FOXP1: variants seen among roughly 807,000 people sequenced by gnomAD.
FOXP1 encodes the protein forkhead box P1, also known as forkhead box protein P1.
FOXP1 carries 15 observed loss-of-function variants against 98.2 expected under a neutral mutation model. The ratio of observed to expected loss-of-function variants is 0.15; its 90% confidence interval spans 0.10 to 0.24. The LOEUF (loss-of-function observed/expected upper bound fraction) is 0.24. Ranked by LOEUF, FOXP1 falls within the 10% of genes least tolerant of loss-of-function variation. FOXP1 has a pLI of 1.00. For synonymous variants in FOXP1, 371 were observed against 314.5 expected (o/e 1.18, Z -1.90); for missense variants, 633 against 848.5 (o/e 0.75, Z 3.15).
intron 7 of FOXP1, among the ~76,000 whole-genome samples, chr3:71,067,997 A>AG: frequency 6.6e-6 from 1 of 151,562 alleles, no homozygotes; most frequent in Non-Finnish European, 1.5e-5. Flanking sequence ...TATAAAAAAA[A>AG]AAAGCCATAA....
intron 18 of FOXP1, chr3:70,972,215 G>A (rs1262693736): frequency 6.0e-6 from 9 of 1,490,190 alleles, no homozygotes; most frequent in Non-Finnish European, 7.1e-6. Context: ...AGATGGAGTG[G>A]CAACAAAAGG....
At chr3:71,003,690 A>T (rs1229262966) in intron 12 of FOXP1, among the ~76,000 whole-genome samples, 1 of 152,196 alleles carries the variant, frequency 6.6e-6, no homozygotes, top group South Asian at 2.1e-4. Flanking sequence ...AAGGTTCACG[A>T]CTGAAGGAAA....
chr3:71,568,020 G>C (rs1406325590), intron 2 of FOXP1: 3 of 122,684 alleles, frequency 2.4e-5, no homozygotes, highest in Non-Finnish European at 5.0e-5. Flanking sequence ...AGGAAGGAAG[G>C]AAGGAAAGGA....
intron 2 of FOXP1, among the ~76,000 whole-genome samples, chr3:71,511,971 C>T (rs778031086): frequency 2.6e-5 from 4 of 152,144 alleles, no homozygotes; most frequent in African/African-American, 9.7e-5. Flanking sequence ...CTGGTGATGA[C>T]GACAACAATA....
intron 3 of FOXP1, among the ~76,000 whole-genome samples, chr3:71,442,528 C>G (rs1179296309): frequency 2.6e-5 from 4 of 152,180 alleles, no homozygotes; most frequent in Admixed American, 2.6e-4. Flanking sequence ...GAGTTGGGTG[C>G]TGGGATGTCT....
chr3:71,448,196 T>C (rs1027588689), intron 3 of FOXP1, among the ~76,000 whole-genome samples: 2 of 152,116 alleles, frequency 1.3e-5, no homozygotes, highest in African/African-American at 4.8e-5. Flanking sequence ...TATCAGGAGA[T>C]CTTTATCCCC....
At chr3:71,302,896 TC>T (rs1560273836) in intron 4 of FOXP1, 1 of 152,078 alleles carries the variant, frequency 6.6e-6, no homozygotes, top group Admixed American at 6.6e-5. Context: ...TTTCTCTACC[TC>T]CCCAACCACC....
chr3:71,489,516 AT>A (rs1287804866), intron 3 of FOXP1, among the ~76,000 whole-genome samples: 1 of 152,168 alleles, frequency 6.6e-6, no homozygotes, highest in Non-Finnish European at 1.5e-5. Context: ...CTATGATCAC[AT>A]TTATTAATAA....
intron 6 of FOXP1, among the ~76,000 whole-genome samples, chr3:71,132,862 T>C (rs1310254335): frequency 1.3e-5 from 2 of 151,508 alleles, no homozygotes; most frequent in Admixed American, 1.3e-4. Context: ...ATCCTAAGAG[T>C]GTTTTTTCAA....
chr3:71,195,635 G>T (rs958518119), intron 6 of FOXP1, among the ~76,000 whole-genome samples: 3 of 152,194 alleles, frequency 2.0e-5, no homozygotes, highest in African/African-American at 7.2e-5. Flanking sequence ...CCCCTGGCGA[G>T]GAATGGGGGA....
intron 5 of FOXP1, among the ~76,000 whole-genome samples, chr3:71,295,855 C>T (rs558842688): frequency 1.1e-4 from 16 of 152,258 alleles, no homozygotes; most frequent in African/African-American, 3.8e-4. Context: ...TAATTGTGAC[C>T]AGTGCATCCC....
At chr3:71,011,977 A>C (rs2043719135) in intron 12 of FOXP1, among the ~76,000 whole-genome samples, 1 of 152,106 alleles carries the variant, frequency 6.6e-6, no homozygotes, top group Admixed American at 6.6e-5. Flanking sequence ...AATAAATATA[A>C]CCTAATTGTC....
At chr3:71,413,467 CTTGT>C (rs1439162994) in intron 3 of FOXP1, among the ~76,000 whole-genome samples, 1 of 152,074 alleles carries the variant, frequency 6.6e-6, no homozygotes, top group Non-Finnish European at 1.5e-5. Context: ...ACTTTTACTA[CTTGT>C]TTAATTTCTG....
chr3:71,191,915 G>A (rs913184450), intron 6 of FOXP1, among the ~76,000 whole-genome samples: 1 of 152,098 alleles, frequency 6.6e-6, no homozygotes, highest in Non-Finnish European at 1.5e-5. Flanking sequence ...CACGTTATTT[G>A]AACTATGCAA....
chr3:71,576,191 T>A (rs770913348), intron 2 of FOXP1, among the ~76,000 whole-genome samples: 1 of 152,236 alleles, frequency 6.6e-6, no homozygotes, highest in Non-Finnish European at 1.5e-5. Context: ...GGGCTTTCTA[T>A]TCAATGATCC....
intron 19 of FOXP1, 171 bp from the exon 20 acceptor site, chr3:70,966,227 C>T (rs894963899): frequency 8.9e-6 from 6 of 675,948 alleles, no homozygotes; most frequent in Non-Finnish European, 1.6e-5. Flanking sequence ...ACTCGTGGCA[C>T]CTGTCCCAAG....
At chr3:71,420,489 A>C (rs574271834) in intron 3 of FOXP1, among the ~76,000 whole-genome samples, 8 of 152,256 alleles carry the variant, frequency 5.3e-5, no homozygotes, top group African/African-American at 1.9e-4. Context: ...TGTTCCTATC[A>C]TGGGACTCCT....
intron 6 of FOXP1, among the ~76,000 whole-genome samples, chr3:71,176,743 CAAAAA>C (rs573639526): frequency 5.3e-5 from 4 of 75,520 alleles, no homozygotes; most frequent in African/African-American, 2.5e-4. Flanking sequence ...GAGGCTATCT[CAAAAA>C]AAAAAAAAAA....
chr3:71,031,444 C>G (rs2046852717), intron 11 of FOXP1, among the ~76,000 whole-genome samples: 1 of 152,046 alleles, frequency 6.6e-6, no homozygotes, highest in Admixed American at 6.6e-5. Context: ...GCAGAACAAG[C>G]CTTGGGTATA....
Sources: gnomAD v4.1 joint callset for allele counts (sites outside exome capture counted in the v4.1 genomes callset) on GRCh38, gnomAD v4.1.1 for gene constraint, MANE v1.5 for transcripts, NCBI Gene and HGNC (gene_info 2026-07-23, HGNC 2026-07-21) for gene names.